Variants in PLEKHA7 observed in about 807,000 individuals in gnomAD.
The protein encoded by PLEKHA7 is pleckstrin homology domain containing A7.
A neutral mutation model predicts 170.0 loss-of-function variants in PLEKHA7; 104 were observed. The ratio of observed to expected loss-of-function variants is 0.61; its 90% CI spans 0.52 to 0.72. The LOEUF (loss-of-function observed/expected upper bound fraction) is 0.72. Among genes scored for constraint, PLEKHA7 ranks in the 30% least tolerant of loss-of-function variants. The probability of loss-of-function intolerance (pLI) is 0.00; values close to 1 mark genes in which losing one functional copy is unlikely to be tolerated. For synonymous variants in PLEKHA7, 648 were observed against 660.8 expected (o/e 0.98, Z 0.30); for missense variants, 1,615 against 1,671.7 (o/e 0.97, Z 0.59).
intron 3 of PLEKHA7, among the ~76,000 whole-genome samples, chr11:16,982,826 G>C (rs1248844271): frequency 2.4e-5 from 3 of 127,042 alleles, no homozygotes; most frequent in African/African-American, 6.4e-5. Flanking sequence ...GAGACAGAGA[G>C]AGAGAGGGAG....
At chr11:16,945,071 C>T (rs1014324238) in intron 3 of PLEKHA7, among the ~76,000 whole-genome samples, 5 of 151,978 alleles carry the variant, frequency 3.3e-5, no homozygotes, top group African/African-American at 4.8e-5. Flanking sequence ...CGAGTAGCTG[C>T]GTTACAAGCA....
Position 16,871,195 on chromosome 11 carries a change from A to G in PLEKHA7, c.222-13T>C, listed in dbSNP as rs1407791606. Reference sequence around the variant, plus strand: ...CTGCTGGTTATGGCTAAAGAGAAAGAGAGAAGATGGATGAGAATTCGTGTG... The same window carrying G: ...CTGCTGGTTATGGCTAAAGAGAAAGGGAGAAGATGGATGAGAATTCGTGTG... On this transcript the variant is annotated splice_polypyrimidine_tract_variant and intron_variant, in intron 3 of 26. Coordinates refer to ENST00000531066, the MANE Select transcript of PLEKHA7 (RefSeq NM_001329630.2). 2 of 1,588,034 alleles carry G rather than the reference A, an allele frequency of 1.3e-6. No homozygotes were observed. The highest frequency in any genetic ancestry group is 2.7e-5 in the African/African-American group (2 of 74,302).
chr11:16,784,522 G>A (rs1387976337), intron 24 of PLEKHA7, among the ~76,000 whole-genome samples: 1 of 152,204 alleles, frequency 6.6e-6, no homozygotes, highest in Non-Finnish European at 1.5e-5. Context: ...GCTGGCCAGA[G>A]GAAAATGGCC....
intron 3 of PLEKHA7, among the ~76,000 whole-genome samples, chr11:16,922,233 AG>A (rs1859151590): frequency 6.6e-6 from 1 of 152,154 alleles, no homozygotes. Context: ...TAATGATCCA[AG>A]GACTCTCTAG....
chr11:16,855,940 G>A (rs762061071), intron 4 of PLEKHA7, 26 bp from the exon 5 acceptor site: 9 of 1,564,586 alleles, frequency 5.8e-6, no homozygotes, highest in Non-Finnish European at 7.9e-6. Context: ...GGATTCCAGT[G>A]AGTAAAAGCC....
At chr11:16,909,879 C>T (rs746212524) in intron 3 of PLEKHA7, among the ~76,000 whole-genome samples, 1 of 151,834 alleles carries the variant, frequency 6.6e-6, no homozygotes, top group Non-Finnish European at 1.5e-5. Flanking sequence ...ATCTGACAGC[C>T]CTTCGGAAAC....
At chr11:16,829,427 CCATT>C in intron 9 of PLEKHA7, among the ~76,000 whole-genome samples, 2 of 152,154 alleles carry the variant, frequency 1.3e-5, no homozygotes, top group South Asian at 4.2e-4. Flanking sequence ...GAGTGAGGGC[CCATT>C]CATTGTTAAC....
chr11:16,922,201 CAA>C (rs995164235), intron 3 of PLEKHA7, among the ~76,000 whole-genome samples: 2 of 151,706 alleles, frequency 1.3e-5, no homozygotes, highest in African/African-American at 4.8e-5. Context: ...ATTTAAAAAA[CAA>C]AACAAAAAAA....
chr11:16,971,004 G>GCTCTTTA (rs1261654517), intron 3 of PLEKHA7, among the ~76,000 whole-genome samples: 1 of 152,160 alleles, frequency 6.6e-6, no homozygotes, highest in Non-Finnish European at 1.5e-5. Flanking sequence ...AAAGAGCTAT[G>GCTCTTTA]CAAACAAAAT....
At chr11:16,862,572 C>A (rs937920247) in intron 4 of PLEKHA7, among the ~76,000 whole-genome samples, 2 of 152,200 alleles carry the variant, frequency 1.3e-5, no homozygotes, top group African/African-American at 4.8e-5. Flanking sequence ...AAGCAGCTTC[C>A]CTTCCTCACA....
At chr11:16,898,031 T>G (rs1812547621) in intron 3 of PLEKHA7, among the ~76,000 whole-genome samples, 1 of 152,186 alleles carries the variant, frequency 6.6e-6, no homozygotes, top group Admixed American at 6.5e-5. Context: ...TCCTTTTTTT[T>G]TCTGACTGAT....
intron 3 of PLEKHA7, among the ~76,000 whole-genome samples, chr11:17,005,231 A>G (rs1864913551): frequency 6.6e-6 from 1 of 152,140 alleles, no homozygotes; most frequent in Non-Finnish European, 1.5e-5. Context: ...ACTCCCATAG[A>G]CATCAAAAGA....
chr11:16,828,813 CCAAT>C (rs1850870721), intron 9 of PLEKHA7, among the ~76,000 whole-genome samples: 3 of 152,184 alleles, frequency 2.0e-5, no homozygotes, highest in South Asian at 4.1e-4. Flanking sequence ...CTACTCCAGG[CCAAT>C]CAGAGTTAGC....
At chr11:16,807,258 G>C (rs1231365949) in intron 13 of PLEKHA7, 8 of 916,312 alleles carry the variant, frequency 8.7e-6, no homozygotes, top group African/African-American at 3.6e-5. Flanking sequence ...ACAACAAAAC[G>C]TAACAGGTGA....
At chr11:16,790,272 A>G in intron 21 of PLEKHA7, 1 of 237,846 alleles carries the variant, frequency 4.2e-6, no homozygotes, top group Admixed American at 5.1e-5. Context: ...ACTGGCAAGA[A>G]AGCATTTAAG....
intron 3 of PLEKHA7, among the ~76,000 whole-genome samples, chr11:16,971,824 T>A (rs1444904359): frequency 6.6e-6 from 1 of 152,078 alleles, no homozygotes; most frequent in Non-Finnish European, 1.5e-5. Flanking sequence ...TTTTCCTGGT[T>A]TTTTTTTCTT....
At chr11:16,925,010 C>T (rs1027601158) in intron 3 of PLEKHA7, among the ~76,000 whole-genome samples, 2 of 152,228 alleles carry the variant, frequency 1.3e-5, no homozygotes, top group Non-Finnish European at 1.5e-5. Flanking sequence ...GACCCCTTAC[C>T]TCCTCCGTAG....
At chr11:16,812,157 G>A (rs554985095) in intron 13 of PLEKHA7, among the ~76,000 whole-genome samples, 1 of 152,314 alleles carries the variant, frequency 6.6e-6, no homozygotes, top group African/African-American at 2.4e-5. Flanking sequence ...GGGTAACACA[G>A]CAAGTGTTCA....
chr11:16,786,872 G>A (rs1016227946), intron 23 of PLEKHA7: 13 of 985,268 alleles, frequency 1.3e-5, no homozygotes, highest in Middle Eastern at 5.2e-4. Flanking sequence ...GATAACATTC[G>A]TAGGTGGGGG....
Sources: allele counts gnomAD v4.1 joint callset (sites outside exome capture counted in the v4.1 genomes callset), GRCh38; gene constraint gnomAD v4.1.1; transcripts MANE v1.5; gene names NCBI Gene and HGNC (gene_info 2026-07-23, HGNC 2026-07-21).